The following CROCC2 variants were observed in gnomAD, a reference collection of about 807,000 sequenced individuals.
The protein encoded by CROCC2 is ciliary rootlet coiled-coil protein 2.
A neutral mutation model predicts 177.6 loss-of-function variants in CROCC2; 163 were observed. The observed-to-expected ratio is 0.92, with a 90% CI of 0.81 to 1.05. The LOEUF (loss-of-function observed/expected upper bound fraction) is 1.05. Among genes scored for constraint, CROCC2 ranks in the 50% least tolerant of loss-of-function variants. CROCC2 has a pLI of 0.00. For missense variants in CROCC2, 1,929 were observed against 1,797.8 expected (o/e 1.07, Z -1.32); for synonymous variants, 904 against 787.3 (o/e 1.15, Z -2.48).
At chr2:240,957,466 C>A (rs970676807) in intron 19 of CROCC2, 1 of 152,442 alleles carries the variant, frequency 6.6e-6, no homozygotes, top group Non-Finnish European at 1.5e-5. Flanking sequence ...GAACGGGAGC[C>A]CTTCTCACTG....
chr2:240,983,250 A>T, intron 28 of CROCC2: 1 of 889,044 alleles, frequency 1.1e-6, no homozygotes, highest in Non-Finnish European at 1.6e-6. Flanking sequence ...ACAGGGAGTC[A>T]GGGGGCTGGA....
chr2:240,947,122 AG>A (rs1426244508), intron 15 of CROCC2, among the ~76,000 whole-genome samples: 2 of 152,260 alleles, frequency 1.3e-5, no homozygotes, highest in Non-Finnish European at 2.9e-5. Context: ...TTTGTTGAAA[AG>A]ATTTCCTCCT....
At chr2:240,965,340 C>A in intron 22 of CROCC2, 41 bp from the exon 23 acceptor site, 1 of 1,545,708 alleles carries the variant, frequency 6.5e-7, no homozygotes, top group Non-Finnish European at 8.7e-7. Flanking sequence ...GGTTCCAGCA[C>A]AGAGACCAGT....
Position 240,949,596 on chromosome 2 carries a change from T to A in CROCC2, c.2546T>A (p.Val849Glu). ...GAAATGAAGCTGCGGCAGGACACGGTGCGGCTCCAGCGACAGGTGGCACAG... is the reference window on the plus strand; with the variant it reads ...GAAATGAAGCTGCGGCAGGACACGGAGCGGCTCCAGCGACAGGTGGCACAG... Reference protein sequence around the residue: ...VQEMKLRQDTVRLQRQVAQQE... With the variant: ...VQEMKLRQDTERLQRQVAQQE... The change falls in exon 17 of 32, where the codon GTG becomes GAG. Residue 849 changes from valine (V) to glutamate (E), a missense_variant. By Grantham distance (121) the Val-to-Glu change is moderately radical. Transcript: ENST00000690015. The surrounding 1 kb of genome is among the most constrained non-coding windows in gnomAD (Gnocchi z 4.5). 1 of 1,549,706 alleles carries A rather than the reference T, an allele frequency of 6.5e-7. No homozygotes were observed. Among genetic ancestry groups the A allele is most frequent in the Non-Finnish European group, 8.7e-7 (1 of 1,146,770 alleles).
At chr2:240,910,958 C>T (rs1457787471) in intron 1 of CROCC2, among the ~76,000 whole-genome samples, 1 of 151,984 alleles carries the variant, frequency 6.6e-6, no homozygotes, top group African/African-American at 2.4e-5. Context: ...TGGTGAAACC[C>T]CGTCTCTACT....
At chr2:240,913,126 G>A (rs971346204) in intron 1 of CROCC2, among the ~76,000 whole-genome samples, 115 of 152,242 alleles carry the variant, frequency 7.6e-4, no homozygotes, top group African/African-American at 2.7e-3. Context: ...GGGGTCCAAG[G>A]ATCGTGTCCC....
intron 28 of CROCC2, 26 bp from the exon 29 acceptor site, chr2:240,988,713 G>C: frequency 7.4e-7 from 1 of 1,350,940 alleles, no homozygotes; most frequent in Non-Finnish European, 9.6e-7. Flanking sequence ...GGAGGCCACA[G>C]GTTCTGCCTC....
chr2:240,915,487 C>A (rs2059314290), intron 1 of CROCC2, among the ~76,000 whole-genome samples: 1 of 152,212 alleles, frequency 6.6e-6, no homozygotes, highest in Non-Finnish European at 1.5e-5. Flanking sequence ...GCCTGGATGG[C>A]CAACGCTCCC....
chr2:240,972,313 G>A lies in CROCC2; in HGVS notation c.4401+4051G>A, dbSNP rs993289493. 4.6e-5 allele frequency among the ~76,000 whole-genome samples: 7 copies of A among 152,180 alleles called. No homozygotes were observed. Among genetic ancestry groups the A allele is most frequent in the African/African-American group, 1.7e-4 (7 of 41,462 alleles). On this transcript the variant is annotated intron_variant, in intron 27 of 31. Coordinates refer to ENST00000690015, the MANE Select transcript of CROCC2 (RefSeq NM_001351305.2). This position sits in a 1 kb window ranked among gnomAD's most constrained non-coding sequence, Gnocchi z 7.1. ...GGGAATATGGGGAGCCAGCAGTGGA[G>A]TTCTGGCCCTCCCGGAGCTGTTCTG...
In CROCC2 at chr2:240,918,987, C is replaced by G; in HGVS notation, c.229+111C>G. 5 of 636,942 alleles carry G rather than the reference C, an allele frequency of 7.9e-6. No individual in the cohort carries two copies. The highest frequency in any genetic ancestry group is 1.4e-5 in the Non-Finnish European group (5 of 351,080). 39.5% of individuals were successfully genotyped at this position (636,942 alleles called of 1,614,324 possible). On this transcript the variant is annotated intron_variant, in intron 2 of 31. Transcript: ENST00000690015. The surrounding 1 kb of genome is among the most constrained non-coding windows in gnomAD (Gnocchi z 6.3). ...TGACGGCGTGGGGGACAGTCCTGGG[C>G]TCGCGGCTGGCCAAGGTGATGGCGT...
rs950917233 is a variant in CROCC2 at position 240,993,265 on chromosome 2, T to TGG, written c.*188_*189dup. 16 of 543,470 alleles carry TGG rather than the reference T, an allele frequency of 2.9e-5. No individual in the cohort carries two copies. Among genetic ancestry groups the TGG allele is most frequent in the Admixed American group, 6.7e-5 (2 of 29,792 alleles). 33.7% of individuals were successfully genotyped at this position (543,470 alleles called of 1,614,324 possible). A position where few individuals can be genotyped will look rare whatever the true frequency, so the allele number is the denominator to read the frequency against. The stretch of plus-strand genomic sequence containing the variant: ...TCATGGGGAACATTTGAAATGCATG[T>TGG]GGGGGCCTCCGAATTTTGAATTTTA... On this transcript the variant is annotated 3_prime_UTR_variant, in exon 32 of 32. Transcript: ENST00000690015.
chr2:240,967,321 G>A (rs1441503785), intron 25 of CROCC2, 24 bp from the exon 26 acceptor site: 6 of 665,458 alleles, frequency 9.0e-6, no homozygotes, highest in Non-Finnish European at 1.4e-5. Flanking sequence ...GACTGCCCCC[G>A]CTGACCTCAG....
At chr2:240,988,202 T>C (rs61143071) in intron 28 of CROCC2, among the ~76,000 whole-genome samples, 2,490 of 152,252 alleles carry the variant, frequency 0.016, 74 homozygotes, top group African/African-American at 0.056. Context: ...AGGGAGCACA[T>C]TGGGGCAGCC....
intron 20 of CROCC2, 87 bp downstream of exon 20, chr2:240,959,531 C>G: frequency 9.7e-6 from 14 of 1,441,872 alleles, no homozygotes; most frequent in Non-Finnish European, 1.2e-5. Flanking sequence ...AGTGGGGGTG[C>G]CAGGAGGAAA....
At chr2:240,935,180 G>GT in intron 13 of CROCC2, 118 bp downstream of exon 13, 1 of 1,266,922 alleles carries the variant, frequency 7.9e-7, no homozygotes, top group Non-Finnish European at 1.0e-6. Flanking sequence ...CTGGTTTGAG[G>GT]TTTTGGGGAC....
intron 1 of CROCC2, among the ~76,000 whole-genome samples, chr2:240,913,760 G>A (rs2059301901): frequency 6.6e-6 from 1 of 152,272 alleles, no homozygotes; most frequent in Admixed American, 6.5e-5. Context: ...CTGAAATACA[G>A]CATTTTGGAG....
At chr2:240,964,734 C>T (rs2059666985) in intron 22 of CROCC2, 109 bp downstream of exon 22, 2 of 1,333,858 alleles carry the variant, frequency 1.5e-6, no homozygotes, top group South Asian at 1.5e-5. Context: ...GCCTTTGAAC[C>T]ACTCTGTCCC....
intron 29 of CROCC2, 30 bp from the exon 30 acceptor site, chr2:240,989,624 A>G: frequency 1.3e-6 from 2 of 1,523,930 alleles, no homozygotes; most frequent in Non-Finnish European, 1.8e-6. Context: ...AGTGAGAGAC[A>G]GCAGTGAGAT....
At chr2:240,942,302 C>T (rs1007470113) in intron 14 of CROCC2, among the ~76,000 whole-genome samples, 1 of 152,308 alleles carries the variant, frequency 6.6e-6, no homozygotes, top group East Asian at 1.9e-4. Context: ...CACACACACA[C>T]ACTCAATCAT....
Sources: gnomAD v4.1 joint callset for allele counts (sites outside exome capture counted in the v4.1 genomes callset) on GRCh38, gnomAD v4.1.1 for gene constraint, Gnocchi (gnomAD v3.1) non-coding constraint, MANE v1.5 for transcripts, NCBI Gene and HGNC (gene_info 2026-07-23, HGNC 2026-07-21) for gene names.